The following MPEG1 variants were observed in gnomAD, a reference collection of about 807,000 sequenced individuals.
MPEG1 encodes the protein macrophage expressed 1.
For missense variants in MPEG1, 876 were observed against 880.3 expected, an observed-to-expected ratio of 1.00 and a Z score of 0.06; for synonymous variants, 365 against 351.9, an observed-to-expected ratio of 1.04 and a Z score of -0.42.
In MPEG1 at chr11:59,209,984, A is replaced by T. The variant is rs1862868521; in HGVS notation, c.*731T>A. 1 of 152,124 alleles carries T rather than the reference A, an allele frequency of 6.6e-6. No individual in the cohort carries two copies. Among genetic ancestry groups the T allele is most frequent in the African/African-American group, 2.4e-5 (1 of 41,424 alleles). 9.4% of individuals were successfully genotyped at this position (152,124 alleles called of 1,614,324 possible). Reference sequence around the variant, plus strand: ...CCAGAATCTTTTCCAGTTTTTACCCATCTTTCATTACTCCTTGTCTCCAAA... The same window carrying T: ...CCAGAATCTTTTCCAGTTTTTACCCTTCTTTCATTACTCCTTGTCTCCAAA... On this transcript the variant is annotated 3_prime_UTR_variant, in exon 1 of 1. Coordinates refer to ENST00000361050, the MANE Select transcript of MPEG1 (RefSeq NM_001039396.2).
Position 59,211,966 on chromosome 11 carries a change from C to A in MPEG1, c.900G>T (p.Leu300=), listed in dbSNP as rs1276553832. Residue 300 remains leucine, a synonymous_variant, in exon 1 of 1, where the codon CTG becomes CTT. Coordinates refer to ENST00000361050, the MANE Select transcript of MPEG1 (RefSeq NM_001039396.2). ...GCAGGCCAGAGCGGTCGATGGCCAC[C>A]AGGTGGTTGGTGATACCCTGCTGCC... The part of the protein sequence containing the change: ...QAWQQGITNH[L]VAIDRSGLPL... The A allele has an allele frequency of 6.2e-7, 1 of 1,611,514 alleles. No individual in the cohort carries two copies. The highest frequency in any genetic ancestry group is 8.5e-7 in the Non-Finnish European group (1 of 1,178,194).
Position 59,210,806 on chromosome 11 carries a change from T to C in MPEG1, c.2060A>G (p.Tyr687Cys). Reference sequence around the variant, plus strand: ...ACTCTGCCTTTCCTCAATTGCCTGATATGCTTTCTTCTTGAACTTCCGGGT... The same window carrying C: ...ACTCTGCCTTTCCTCAATTGCCTGACATGCTTTCTTCTTGAACTTCCGGGT... Reference protein sequence around the residue: ...YGTRKFKKKAYQAIEERQSLV... With the variant: ...YGTRKFKKKACQAIEERQSLV... The change falls in exon 1 of 1, where the codon TAT becomes TGT. Residue 687 changes from tyrosine to cysteine, a missense_variant. Physicochemically the swap from Tyr to Cys is radical, Grantham distance 194 (BLOSUM62 -2). Coordinates refer to ENST00000361050, the MANE Select transcript of MPEG1 (RefSeq NM_001039396.2). The C allele has an allele frequency of 1.2e-6, 2 of 1,614,172 alleles. No individual in the cohort carries two copies. Among genetic ancestry groups the C allele is most frequent in the South Asian group, 2.2e-5 (2 of 91,080 alleles).
chr11:59,211,181 C>T lies in MPEG1; in HGVS notation c.1685G>A (p.Ser562Asn). The part of the protein sequence containing the change: ...PSLKKCPGGF[S>N]QHPALISDGC... Reference sequence around the variant, plus strand: ...ATCGCTGATGAGGGCTGGGTGCTGGCTGAAGCCCCCGGGGCACTTTTTCAG... The same window carrying T: ...ATCGCTGATGAGGGCTGGGTGCTGGTTGAAGCCCCCGGGGCACTTTTTCAG... The change falls in exon 1 of 1, where the codon AGC (serine) becomes AAC (asparagine). Residue 562 changes from serine to asparagine, a missense_variant. By Grantham distance (46) the Ser-to-Asn change is conservative. Coordinates refer to ENST00000361050, the MANE Select transcript of MPEG1 (RefSeq NM_001039396.2). 6.2e-7 allele frequency: 1 copy of T among 1,614,198 alleles called. No individual in the cohort carries two copies. The highest frequency in any genetic ancestry group is 8.5e-7 in the Non-Finnish European group (1 of 1,180,038).
chr11:59,209,066 C>G lies in MPEG1; in HGVS notation c.*1649G>C, dbSNP rs1433514771. 1 of 152,170 alleles carries G rather than the reference C, an allele frequency of 6.6e-6. No homozygotes were observed. Among genetic ancestry groups the G allele is most frequent in the Non-Finnish European group, 1.5e-5 (1 of 68,040 alleles). 9.4% of individuals were successfully genotyped at this position (152,170 alleles called of 1,614,324 possible). A position where few individuals can be genotyped will look rare whatever the true frequency, so the allele number is the denominator to read the frequency against. ...CAAAACACCCAGAACCCACAAAACA[C>G]TCAGAGGTTTAGGAGAATGTTTTAA... On this transcript the variant is annotated 3_prime_UTR_variant, in exon 1 of 1. Transcript: ENST00000361050.
rs1862908058 is a variant in MPEG1, at chr11:59,212,412, C to A, written c.454G>T (p.Val152Leu). Residue 152 changes from valine to leucine, a missense_variant, in exon 1 of 1, where the codon GTA (valine) becomes TTA (leucine). Transcript: ENST00000361050. Reference protein sequence around the residue: ...KDQAITTRVQVRNLVYTVKIN... With the variant: ...KDQAITTRVQLRNLVYTVKIN... ...TTGACTGTGTAGACGAGGTTTCTTA[C>A]CTGAACTCGGGTAGTTATAGCTTGG... The A allele has an allele frequency of 6.2e-7, 1 of 1,613,746 alleles. No individual in the cohort carries two copies. Among genetic ancestry groups the A allele is most frequent in the African/African-American group, 1.3e-5 (1 of 74,898 alleles).
Position 59,211,143 on chromosome 11 carries a change from A to T in MPEG1, c.1723T>A (p.Ser575Thr). ...AAGAGCCCGGATTTGACGCAATAGG[A>T]CACTTGGCATCCATCGCTGATGAGG... ...PALISDGCQV[S>T]YCVKSGLFTG... The change falls in exon 1 of 1, where the codon TCC (serine) becomes ACC (threonine). Residue 575 changes from serine to threonine, a missense_variant. Ser to Thr is a moderately conservative substitution (Grantham distance 58, BLOSUM62 1). Coordinates refer to ENST00000361050, the MANE Select transcript of MPEG1 (RefSeq NM_001039396.2). The T allele has an allele frequency of 6.2e-7, 1 of 1,614,172 alleles. No homozygotes were observed. The highest frequency in any genetic ancestry group is 8.5e-7 in the Non-Finnish European group (1 of 1,180,036).
Position 59,211,407 on chromosome 11 carries a change from T to C in MPEG1, c.1459A>G (p.Ser487Gly). The stretch of plus-strand genomic sequence containing the variant: ...TGTGCATTTGTCATGGGGTTTATGC[T>C]CTTGCTGCTGAAGAGGCCCCCAAAA... ...LLFGGLFSSK[S>G]INPMTNAQSC... Residue 487 changes from serine to glycine, a missense_variant, in exon 1 of 1, where the codon AGC (serine) becomes GGC (glycine). Ser to Gly is a moderately conservative substitution (Grantham distance 56, BLOSUM62 0). Transcript: ENST00000361050. 1 of 1,614,178 alleles carries C rather than the reference T, an allele frequency of 6.2e-7. No individual in the cohort carries two copies. The highest frequency in any genetic ancestry group is 8.5e-7 in the Non-Finnish European group (1 of 1,180,030).
rs200420254 is a variant in MPEG1, at chr11:59,211,653, G to T, written c.1213C>A (p.Pro405Thr). Residue 405 changes from proline (P) to threonine (T), a missense_variant, in exon 1 of 1, where the codon CCA becomes ACA. Transcript: ENST00000361050. ...LLCQKLEQKN[P>T]LTGDFSCPSG... ...GGGCAGGAGAAATCACCAGTGAGTG[G>T]ATTCTTCTGCTCCAACTTTTGGCAG... 6,114 of 1,614,158 alleles carry T rather than the reference G, an allele frequency of 3.8e-3. 28 individuals carry two copies. The highest frequency in any genetic ancestry group is 5.0e-3 in the Non-Finnish European group (5,911 of 1,180,012).
chr11:59,210,419 G>A lies in MPEG1; in HGVS notation c.*296C>T. 2.8e-6 allele frequency: 1 copy of A among 355,138 alleles called. No individual in the cohort carries two copies. The highest frequency in any genetic ancestry group is 5.1e-6 in the Non-Finnish European group (1 of 195,802). The allele number at this position is 355,138 out of a possible 1,614,324, so 22.0% of individuals were successfully genotyped here. A position where few individuals can be genotyped will look rare whatever the true frequency, so the allele number is the denominator to read the frequency against. On this transcript the variant is annotated 3_prime_UTR_variant, in exon 1 of 1. Transcript: ENST00000361050. ...GCTTCCAAATACAAATGTTCACATT[G>A]TCCCTCCGCTATTTTTACACAAATG...
rs566154687 is a variant in MPEG1, at chr11:59,212,200, C to T, written c.666G>A (p.Arg222=). The part of the protein sequence containing the change: ...GAALIQEDHL[R]ASFLQDSQSS... Reference sequence around the variant, plus strand: ...TCTGGCTGTCTTGGAGGAAGGAGGCCCTGAGGTGGTCCTCCTGAATAAGAG... The same window carrying T: ...TCTGGCTGTCTTGGAGGAAGGAGGCTCTGAGGTGGTCCTCCTGAATAAGAG... The change falls in exon 1 of 1, where the codon AGG becomes AGA. Residue 222 remains arginine (R), a synonymous_variant. Coordinates refer to ENST00000361050, the MANE Select transcript of MPEG1 (RefSeq NM_001039396.2). 5.4e-5 allele frequency: 87 copies of T among 1,613,986 alleles called. 1 individual carries two copies. In the South Asian group the frequency reaches 9.2e-4, roughly 17 times the overall value.
rs1322244133 is a variant in MPEG1, at chr11:59,211,743, T to C, written c.1123A>G (p.Asn375Asp). ...DDGSCEGKMT[N>D]FSFGGVYQEC... ...TGATAAACCCCACCGAAAGAGAAGT[T>C]GGTCATTTTCCCCTCGCAGGAGCCA... is the stretch of plus-strand genomic sequence containing the variant. Residue 375 changes from asparagine to aspartate, a missense_variant, in exon 1 of 1, where the codon AAC becomes GAC. Physicochemically the swap from Asn to Asp is conservative, Grantham distance 23. Coordinates refer to ENST00000361050, the MANE Select transcript of MPEG1 (RefSeq NM_001039396.2). 1.5e-5 allele frequency: 24 copies of C among 1,613,926 alleles called. No homozygotes were observed. The highest frequency in any genetic ancestry group is 8.0e-5 in the African/African-American group (6 of 74,882).
rs186140164 is a variant in MPEG1, at chr11:59,211,126, G to A, written c.1740C>T (p.Ser580=). ...DGCQVSYCVK[S]GLFTGGSLPP... ...GCAGGGACCCTCCTGTGAAGAGCCC[G>A]GATTTGACGCAATAGGACACTTGGC... Residue 580 remains serine, a synonymous_variant, in exon 1 of 1, where the codon TCC becomes TCT. Transcript: ENST00000361050. 40 of 1,614,184 alleles carry A rather than the reference G, an allele frequency of 2.5e-5. No homozygotes were observed. Among genetic ancestry groups the A allele is most frequent in the African/African-American group, 1.5e-4 (11 of 75,042 alleles).
At position 59,211,615 on chromosome 11, in the gene MPEG1, G is replaced by A; in HGVS notation, c.1251C>T (p.Ser417=). 6.2e-7 allele frequency: 1 copy of A among 1,614,192 alleles called. No homozygotes were observed. The highest frequency in any genetic ancestry group is 8.5e-7 in the Non-Finnish European group (1 of 1,180,028). Residue 417 remains serine (S), a synonymous_variant, in exon 1 of 1, where the codon TCC becomes TCT. Coordinates refer to ENST00000361050, the MANE Select transcript of MPEG1 (RefSeq NM_001039396.2). ...TGDFSCPSGY[S]PVHLLSQIHE... is the part of the protein sequence containing the mutation. ...GGATCTGGGATAACAGGTGCACCGG[G>A]GAGTAGCCAGAGGGGCAGGAGAAAT... is the stretch of plus-strand genomic sequence containing the variant.
At position 59,210,831 on chromosome 11, in the gene MPEG1, T is replaced by C. The variant is rs1590995585; in HGVS notation, c.2035A>G (p.Thr679Ala). The C allele has an allele frequency of 6.2e-7, 1 of 1,614,134 alleles. No homozygotes were observed. The highest frequency in any genetic ancestry group is 2.2e-5 in the East Asian group (1 of 44,874). Reference sequence around the variant, plus strand: ...TATGCTTTCTTCTTGAACTTCCGGGTGCCGTAGATGGCCAAGGTGATAACA... The same window carrying C: ...TATGCTTTCTTCTTGAACTTCCGGGCGCCGTAGATGGCCAAGGTGATAACA... Reference protein sequence around the residue: ...AVVITLAIYGTRKFKKKAYQA... With the variant: ...AVVITLAIYGARKFKKKAYQA... The change falls in exon 1 of 1, where the codon ACC becomes GCC. Residue 679 changes from threonine (T) to alanine (A), a missense_variant. By Grantham distance (58) the Thr-to-Ala change is moderately conservative (BLOSUM62 0). Transcript: ENST00000361050.
At position 59,209,196 on chromosome 11, in the gene MPEG1, G is replaced by T. The variant is rs566679884; in HGVS notation, c.*1519C>A. 6.6e-6 allele frequency: 1 copy of T among 152,110 alleles called. No homozygotes were observed. Among genetic ancestry groups the T allele is most frequent in the Admixed American group, 6.5e-5 (1 of 15,278 alleles). The allele number at this position is 152,110 out of a possible 1,614,324, so 9.4% of individuals were successfully genotyped here. ...TCTGTGACTCACTTCTCTGTGTCTC[G>T]GTTGGAAATGAATGGGTATCCTGGT... On this transcript the variant is annotated 3_prime_UTR_variant, in exon 1 of 1. Coordinates refer to ENST00000361050, the MANE Select transcript of MPEG1 (RefSeq NM_001039396.2).
chr11:59,211,809 G>T lies in MPEG1; in HGVS notation c.1057C>A (p.Leu353Ile). 6.2e-7 allele frequency: 1 copy of T among 1,614,198 alleles called. No individual in the cohort carries two copies. The change falls in exon 1 of 1, where the codon CTC (leucine) becomes ATC (isoleucine). Residue 353 changes from leucine (L) to isoleucine (I), a missense_variant. By Grantham distance (5) the Leu-to-Ile change is conservative. Transcript: ENST00000361050. ...TFNTYPGCTD[L>I]NSPNFNFQAN... Reference sequence around the variant, plus strand: ...TGAAAATTGAAGTTGGGAGAATTGAGATCTGTGCAGCCAGGGTAGGTGTTG... The same window carrying T: ...TGAAAATTGAAGTTGGGAGAATTGATATCTGTGCAGCCAGGGTAGGTGTTG...
Position 59,212,058 on chromosome 11 carries a change from G to A in MPEG1, c.808C>T (p.Arg270Ter), listed in dbSNP as rs1048545015. The change falls in exon 1 of 1, where the codon CGA (arginine) becomes TGA (stop). Residue 270 changes from arginine to a stop codon, truncating the protein, a stop_gained. Coordinates refer to ENST00000361050, the MANE Select transcript of MPEG1 (RefSeq NM_001039396.2). LOFTEE classifies it low-confidence loss of function (END_TRUNC). ...ATGCTCTGCACCCTGGAGTTGGTTC[G>A]GTTTGAGAGGTAGCTCTTGGTGAGG... ...NVLTKSYLSN[R>*]TNSRVQSIGG... is the part of the protein sequence containing the mutation. The A allele has an allele frequency of 8.1e-6, 13 of 1,613,088 alleles. No homozygotes were observed. The highest frequency in any genetic ancestry group is 4.4e-5 in the South Asian group (4 of 90,936).
Position 59,212,604 on chromosome 11 carries a change from G to T in MPEG1, c.262C>A (p.Pro88Thr), listed in dbSNP as rs767192185. 6.2e-7 allele frequency: 1 copy of T among 1,614,094 alleles called. No homozygotes were observed. The highest frequency in any genetic ancestry group is 1.3e-5 in the African/African-American group (1 of 74,934). Residue 88 changes from proline to threonine, a missense_variant, in exon 1 of 1, where the codon CCC becomes ACC. By Grantham distance (38) the Pro-to-Thr change is conservative (BLOSUM62 -1). Transcript: ENST00000361050. The part of the protein sequence containing the change: ...YIIPDEIFTI[P>T]QKQSNLEMNS... ...ATCTCCAGGTTGCTCTGTTTCTGGGGAATGGTGAAGATTTCATCAGGGATG... is the reference window on the plus strand; with the variant it reads ...ATCTCCAGGTTGCTCTGTTTCTGGGTAATGGTGAAGATTTCATCAGGGATG...
In MPEG1 at chr11:59,212,611, G is replaced by A. The variant is rs755665418; in HGVS notation, c.255C>T (p.Phe85=). ...DGQYIIPDEI[F]TIPQKQSNLE... ...GGTTGCTCTGTTTCTGGGGAATGGTGAAGATTTCATCAGGGATGATATACT... is the reference window on the plus strand; with the variant it reads ...GGTTGCTCTGTTTCTGGGGAATGGTAAAGATTTCATCAGGGATGATATACT... The change falls in exon 1 of 1, where the codon TTC becomes TTT. Residue 85 remains phenylalanine (F), a synonymous_variant. Transcript: ENST00000361050. The A allele has an allele frequency of 3.1e-6, 5 of 1,614,226 alleles. No individual in the cohort carries two copies. Among genetic ancestry groups the A allele is most frequent in the Non-Finnish European group, 4.2e-6 (5 of 1,180,050 alleles).
Sources: gnomAD v4.1 joint callset for allele counts on GRCh38, gnomAD v4.1.1 for gene constraint, MANE v1.5 for transcripts, NCBI Gene and HGNC (gene_info 2026-07-23, HGNC 2026-07-21) for gene names.